GASK1A: variants seen among roughly 807,000 people sequenced by gnomAD.
GASK1A encodes Golgi-associated kinase 1A.
GASK1A carries 40 observed loss-of-function variants against 41.2 expected under a neutral mutation model. The observed-to-expected ratio is 0.97, with a 90% CI of 0.75 to 1.27. The LOEUF is 1.27. Among genes scored for constraint, GASK1A ranks in the 50% most tolerant of loss-of-function variants. The probability of loss-of-function intolerance (pLI) is 0.00; values close to 1 mark genes in which losing one functional copy is unlikely to be tolerated. For missense variants in GASK1A, 678 were observed against 745.1 expected (o/e 0.91, Z 1.05); for synonymous variants, 316 against 307.1 (o/e 1.03, Z -0.30).
intron 1 of GASK1A, among the ~76,000 whole-genome samples, chr3:42,997,482 C>T (rs1409796000): frequency 2.6e-5 from 4 of 151,032 alleles, no homozygotes; most frequent in African/African-American, 4.9e-5. Context: ...TAATCATATT[C>T]GGATTGGAAA....
chr3:43,012,859 G>A (rs971802540), intron 1 of GASK1A, among the ~76,000 whole-genome samples: 1 of 151,376 alleles, frequency 6.6e-6, no homozygotes, highest in African/African-American at 2.4e-5. Context: ...GTCACAGGAA[G>A]GGGCAATGGG....
At chr3:43,020,179 C>T (rs1406281001) in intron 1 of GASK1A, among the ~76,000 whole-genome samples, 2 of 151,958 alleles carry the variant, frequency 1.3e-5, no homozygotes, top group African/African-American at 4.8e-5. Flanking sequence ...TGGATTTCCC[C>T]AAAGAAGAGT....
At chr3:43,010,051 GTTCCTTTGGA>G (rs2089455734) in intron 1 of GASK1A, among the ~76,000 whole-genome samples, 1 of 152,146 alleles carries the variant, frequency 6.6e-6, no homozygotes, top group African/African-American at 2.4e-5. Context: ...CCCCTACACT[GTTCCTTTGGA>G]GGAAGCTGCC....
chr3:43,055,333 GCTCAGGGCTGTCAGC>G, intron 3 of GASK1A, 84 bp from the exon 4 acceptor site: 1 of 784,952 alleles, frequency 1.3e-6, no homozygotes, highest in Non-Finnish European at 2.1e-6. Context: ...GGGACTGACA[GCTCAGGGCTGTCAGC>G]CCCTTAATCT....
At position 43,032,577 on chromosome 3, in the gene GASK1A, G is replaced by A. The variant is rs987386439; in HGVS notation, c.314G>A (p.Arg105Lys). The change falls in exon 2 of 5, where the codon AGG becomes AAG. Residue 105 changes from arginine (R) to lysine (K), a missense_variant. By Grantham distance (26) the Arg-to-Lys change is conservative. Coordinates refer to ENST00000430121, the MANE Select transcript of GASK1A (RefSeq NM_001129908.3). The part of the protein sequence containing the change: ...QGHRARVDRS[R>K]ESPGGDLRHP... ...CATAGAGCAAGAGTGGACAGAAGCA[G>A]GGAGTCCCCAGGAGGGGACCTCAGG... The A allele has an allele frequency of 6.4e-7, 1 of 1,551,302 alleles. No individual in the cohort carries two copies. Among genetic ancestry groups the A allele is most frequent in the Non-Finnish European group, 8.7e-7 (1 of 1,146,630 alleles).
chr3:43,050,412 A>G (rs144827715), intron 2 of GASK1A, among the ~76,000 whole-genome samples: 1 of 152,242 alleles, frequency 6.6e-6, no homozygotes, highest in African/African-American at 2.4e-5. Flanking sequence ...CTTTGAAAGA[A>G]TCCTTTTTAT....
chr3:43,037,677 G>T (rs1475844068), intron 2 of GASK1A, among the ~76,000 whole-genome samples: 1 of 152,130 alleles, frequency 6.6e-6, no homozygotes, highest in African/African-American at 2.4e-5. Flanking sequence ...GAAAGAAAAT[G>T]AAGAGCATTT....
intron 3 of GASK1A, chr3:43,054,383 T>A (rs952536427): frequency 5.9e-5 from 9 of 152,904 alleles, no homozygotes; most frequent in Admixed American, 5.2e-4. Context: ...TCTCTCCTTT[T>A]CCCTGGTCAA....
chr3:43,048,804 G>T (rs1475669600), intron 2 of GASK1A, among the ~76,000 whole-genome samples: 1 of 152,158 alleles, frequency 6.6e-6, no homozygotes, highest in Non-Finnish European at 1.5e-5. Flanking sequence ...CCTTCTGTAG[G>T]TGAGCCCTAG....
At chr3:43,013,650 C>A (rs2089475460) in intron 1 of GASK1A, among the ~76,000 whole-genome samples, 1 of 144,796 alleles carries the variant, frequency 6.9e-6, no homozygotes, top group South Asian at 2.2e-4. Context: ...GTGAGGCCAC[C>A]AGAATGTGCA....
chr3:43,026,678 T>A (rs1354165667), intron 1 of GASK1A, among the ~76,000 whole-genome samples: 2 of 151,650 alleles, frequency 1.3e-5, no homozygotes, highest in Non-Finnish European at 2.9e-5. Context: ...ACACAGTAAG[T>A]CAAATAGAGT....
At chr3:43,010,214 G>A (rs1417725118) in intron 1 of GASK1A, among the ~76,000 whole-genome samples, 1 of 152,022 alleles carries the variant, frequency 6.6e-6, no homozygotes, top group East Asian at 1.9e-4. Flanking sequence ...GTTATATATA[G>A]CAACTCAGTA....
At chr3:43,050,540 C>T (rs1012903369) in intron 2 of GASK1A, among the ~76,000 whole-genome samples, 25 of 152,056 alleles carry the variant, frequency 1.6e-4, no homozygotes, top group Admixed American at 7.2e-4. Flanking sequence ...ACCTCTTGGA[C>T]GTGTAGATCA....
intron 1 of GASK1A, among the ~76,000 whole-genome samples, chr3:42,981,555 A>T (rs190474345): frequency 1.3e-5 from 2 of 152,246 alleles, no homozygotes; most frequent in East Asian, 3.9e-4. Flanking sequence ...GTGGGGAAGA[A>T]GTGGTTCTCA....
chr3:43,038,759 T>C (rs911094554), intron 2 of GASK1A, among the ~76,000 whole-genome samples: 2 of 152,194 alleles, frequency 1.3e-5, no homozygotes, highest in African/African-American at 2.4e-5. Flanking sequence ...TCACTTCTTA[T>C]CATTTTTATA....
At chr3:43,039,205 GTT>G (rs1329284553) in intron 2 of GASK1A, among the ~76,000 whole-genome samples, 1 of 125,762 alleles carries the variant, frequency 8.0e-6, no homozygotes. Context: ...TTTTTTTTTG[GTT>G]TTTTTTTTTT....
At chr3:43,001,126 G>C (rs2089406638) in intron 1 of GASK1A, among the ~76,000 whole-genome samples, 1 of 152,080 alleles carries the variant, frequency 6.6e-6, no homozygotes, top group African/African-American at 2.4e-5. Context: ...CATTCCAGAT[G>C]CCTCAGTGTT....
chr3:43,025,310 G>A (rs1372193927), intron 1 of GASK1A, among the ~76,000 whole-genome samples: 1 of 152,200 alleles, frequency 6.6e-6, no homozygotes, highest in Non-Finnish European at 1.5e-5. Flanking sequence ...GATGTATGGG[G>A]CAGAGGAAAG....
chr3:43,010,226 C>T (rs1386428548), intron 1 of GASK1A, among the ~76,000 whole-genome samples: 1 of 152,090 alleles, frequency 6.6e-6, no homozygotes, highest in Non-Finnish European at 1.5e-5. Context: ...AACTCAGTAC[C>T]TACAATAACA....
Sources: gnomAD v4.1 joint callset for allele counts (sites outside exome capture counted in the v4.1 genomes callset) on GRCh38, gnomAD v4.1.1 for gene constraint, MANE v1.5 for transcripts, NCBI Gene and HGNC (gene_info 2026-07-23, HGNC 2026-07-21) for gene names.